The following AP1M2 variants were observed in gnomAD, a reference collection of about 807,000 sequenced individuals.
The protein encoded by AP1M2 is AP-1 complex subunit mu-2.
In AP1M2, 41 loss-of-function variants were observed where a neutral mutation model predicts 54.6. The ratio of observed to expected loss-of-function variants is 0.75; its 90% CI spans 0.59 to 0.97. The LOEUF is 0.97. Among genes scored for constraint, AP1M2 ranks in the 50% least tolerant of loss-of-function variants. AP1M2 has a pLI of 0.00. For missense variants in AP1M2, 507 were observed against 561.2 expected (o/e 0.90, Z 0.98); for synonymous variants, 219 against 215.9 (o/e 1.01, Z -0.13).
At chr19:10,579,030 TTTTTC>T in intron 7 of AP1M2, 67 bp from the exon 8 acceptor site, 1 of 1,287,622 alleles carries the variant, frequency 7.8e-7, no homozygotes, top group Non-Finnish European at 1.1e-6. Flanking sequence ...TTTTTTTTTT[TTTTTC>T]TTTCTTTGAG....
chr19:10,584,080 G>A lies in AP1M2; in HGVS notation c.43-10C>T. 6.2e-7 allele frequency: 1 copy of A among 1,606,048 alleles called. No individual in the cohort carries two copies. Among genetic ancestry groups the A allele is most frequent in the Non-Finnish European group, 8.5e-7 (1 of 1,176,680 alleles). ...TGCGGCTGATCAATGGCTGAGGGTG[G>A]AAGGAAAGGACCTGGTCACCACCAG... On this transcript the variant is annotated splice_polypyrimidine_tract_variant and intron_variant, in intron 1 of 11. Coordinates refer to ENST00000250244, the MANE Select transcript of AP1M2 (RefSeq NM_005498.5).
At chr19:10,587,084 G>T in intron 1 of AP1M2, 106 bp downstream of exon 1, 2 of 1,244,200 alleles carry the variant, frequency 1.6e-6, no homozygotes, top group Non-Finnish European at 2.3e-6. Flanking sequence ...GCAGGGGGAG[G>T]GGGTGTTCCC....
chr19:10,575,749 CTTTTTTTTTCTTTTTTTTTCT>C (rs1453343413), intron 9 of AP1M2, among the ~76,000 whole-genome samples: 7 of 124,362 alleles, frequency 5.6e-5, no homozygotes, highest in Admixed American at 3.4e-4. Flanking sequence ...TTTCTTTTTT[CTTTTTTTTTCTTTTTTTTTCT>C]TTTTTTTTTT....
In AP1M2 at chr19:10,585,295, G is replaced by GAAGGAAAGAAAGAAAGAAAGAAAGAA. The variant is rs1461813760; in HGVS notation, c.43-1226_43-1225insTTCTTTCTTTCTTTCTTTCTTTCCTT. Among the ~76,000 whole-genome samples the GAAGGAAAGAAAGAAAGAAAGAAAGAA allele has an allele frequency of 6.2e-5, 6 of 97,090 alleles. No homozygotes were observed. In the East Asian group the frequency reaches 1.2e-3, roughly 19 times the overall value. The allele number at this position is 97,090 out of a possible 152,430, so 63.7% of individuals were successfully genotyped here. ...AAGAAAGAAGAAAAAAAGAAAGAAAGAAAGAAAGAAAGAAAGAAAGAAAGA... is the reference window on the plus strand; with the variant it reads ...AAGAAAGAAGAAAAAAAGAAAGAAAGAAGGAAAGAAAGAAAGAAAGAAAGAAAAAGAAAGAAAGAAAGAAAGAAAGA... On this transcript the variant is annotated intron_variant, in intron 1 of 11. Coordinates refer to ENST00000250244, the MANE Select transcript of AP1M2 (RefSeq NM_005498.5).
rs374664728 is a variant in AP1M2 at position 10,576,414 on chromosome 19, A to G, written c.1047+784T>C. On this transcript the variant is annotated intron_variant, in intron 9 of 11. Transcript: ENST00000250244. ...AATAGCTGGGACTACAGGCGCCTGC[A>G]ACCACGCCCGGCTAATTTTTTGTAT... Among the ~76,000 whole-genome samples, 11 of 151,038 alleles carry G rather than the reference A, an allele frequency of 7.3e-5. No homozygotes were observed. The East Asian group carries it at 1.6e-3, about 22-fold the overall frequency.
At chr19:10,587,156 T>G (rs1917675088) in intron 1 of AP1M2, 34 bp downstream of exon 1, 1 of 1,550,040 alleles carries the variant, frequency 6.5e-7, no homozygotes, top group South Asian at 1.2e-5. Context: ...AGACCTCACC[T>G]GTCCGTCTCC....
chr19:10,575,769 CTTTTTTTTTTT>C (rs71162097), intron 9 of AP1M2, among the ~76,000 whole-genome samples: 39 of 93,584 alleles, frequency 4.2e-4, no homozygotes, highest in East Asian at 2.3e-3. Context: ...CTTTTTTTTT[CTTTTTTTTTTT>C]TTTTGAGATG....
chr19:10,587,307 G>C lies in AP1M2; in HGVS notation c.-76C>G. On this transcript the variant is annotated 5_prime_UTR_variant, in exon 1 of 12. Transcript: ENST00000250244. ...GGCGGCGCCGCTTCCTTCTTCCTGC[G>C]GAAGCGCCTGCGCCCAGGTGAGAGC... 6.6e-7 allele frequency: 1 copy of C among 1,520,136 alleles called. No individual in the cohort carries two copies. The highest frequency in any genetic ancestry group is 8.9e-7 in the Non-Finnish European group (1 of 1,119,350). The allele number at this position is 1,520,136 out of a possible 1,614,324, so 94.2% of individuals were successfully genotyped here.
At chr19:10,583,474 GA>G (rs377737279) in intron 3 of AP1M2, 131 bp downstream of exon 3, 31,204 of 515,014 alleles carry the variant, frequency 0.061, no homozygotes, top group South Asian at 0.082. Context: ...ATCTCTACCA[GA>G]AAAAAAAAAA....
intron 8 of AP1M2, among the ~76,000 whole-genome samples, chr19:10,578,423 G>A (rs1459079450): frequency 6.6e-6 from 1 of 151,936 alleles, no homozygotes; most frequent in Admixed American, 6.6e-5. Flanking sequence ...CAGAGGTTGC[G>A]GTGAGCTGAG....
At chr19:10,583,795 TA>T in intron 2 of AP1M2, 118 bp downstream of exon 2, 1 of 1,494,752 alleles carries the variant, frequency 6.7e-7, no homozygotes. Context: ...CCCCCCAGCC[TA>T]AGCCACAGAG....
At chr19:10,586,309 G>T (rs1287427088) in intron 1 of AP1M2, among the ~76,000 whole-genome samples, 2 of 146,534 alleles carry the variant, frequency 1.4e-5, no homozygotes, top group Non-Finnish European at 3.0e-5. Flanking sequence ...ACAAAAATTA[G>T]CCAGGCATGG....
In AP1M2 at chr19:10,573,077, G is replaced by C; in HGVS notation, c.1261C>G (p.Arg421Gly). 6.4e-7 allele frequency: 1 copy of C among 1,565,376 alleles called. No homozygotes were observed. Among genetic ancestry groups the C allele is most frequent in the South Asian group, 1.2e-5 (1 of 84,806 alleles). The change falls in exon 12 of 12, where the codon CGT (arginine) becomes GGT (glycine). Residue 421 changes from arginine (R) to glycine (G), a missense_variant. Arg to Gly is a moderately radical substitution (Grantham distance 125). Coordinates refer to ENST00000250244, the MANE Select transcript of AP1M2 (RefSeq NM_005498.5). ...ATCTCTTCTCCCTTCTAGCTGGTAC[G>C]AAGTTGGTAATCTGCAGAGAAAGAA... ...YITQSGDYQL[R>G]TS is the part of the protein sequence containing the mutation.
intron 1 of AP1M2, among the ~76,000 whole-genome samples, chr19:10,585,299 G>GAAAGAA (rs1917610507): frequency 1.6e-5 from 2 of 122,642 alleles, no homozygotes; most frequent in Non-Finnish European, 3.8e-5. Context: ...AAGAAAGAAA[G>GAAAGAA]AAAGAAAGAA....
At chr19:10,576,645 C>T (rs1396287746) in intron 9 of AP1M2, among the ~76,000 whole-genome samples, 3 of 151,912 alleles carry the variant, frequency 2.0e-5, no homozygotes, top group African/African-American at 7.3e-5. Context: ...GTGATCTGCC[C>T]GCTTCAGCCT....
chr19:10,582,830 CTT>C (rs142077500), intron 3 of AP1M2, among the ~76,000 whole-genome samples: 114 of 144,976 alleles, frequency 7.9e-4, no homozygotes, highest in Non-Finnish European at 8.0e-4. Context: ...ATGGTGGCTT[CTT>C]TTTTTTTTTT....
chr19:10,577,056 G>T, intron 9 of AP1M2, 142 bp downstream of exon 9: 1 of 916,806 alleles, frequency 1.1e-6, no homozygotes, highest in Non-Finnish European at 1.7e-6. Flanking sequence ...GCCTCTCAAA[G>T]TACTGGCATT....
At chr19:10,584,183 G>A in intron 1 of AP1M2, 113 bp from the exon 2 acceptor site, 1 of 1,344,622 alleles carries the variant, frequency 7.4e-7, no homozygotes. Flanking sequence ...CTTGGGCAAG[G>A]CTCTGCCTCC....
chr19:10,583,789 C>A, intron 2 of AP1M2, 116 bp from the exon 3 acceptor site: 1 of 1,487,500 alleles, frequency 6.7e-7, no homozygotes, highest in Non-Finnish European at 9.1e-7. Flanking sequence ...CCCCTGCCCC[C>A]CAGCCTAAGC....
Sources: allele counts gnomAD v4.1 joint callset (sites outside exome capture counted in the v4.1 genomes callset), GRCh38; gene constraint gnomAD v4.1.1; transcripts MANE v1.5; gene names NCBI Gene and HGNC (gene_info 2026-07-23, HGNC 2026-07-21).